WWOX: variants seen among roughly 807,000 people sequenced by gnomAD.
WWOX encodes the protein WW domain-containing oxidoreductase.
A neutral mutation model predicts 46.2 loss-of-function variants in WWOX; 69 were observed. The observed-to-expected ratio is 1.49, with a 90% CI of 1.23 to 1.82. WWOX has a LOEUF of 1.82. Ranked by LOEUF, WWOX falls within the 40% of genes most tolerant of loss-of-function variation. The probability of loss-of-function intolerance (pLI) is 0.00; values close to 1 mark genes in which losing one functional copy is unlikely to be tolerated. For missense variants in WWOX, 919 were observed against 542.6 expected (o/e 1.69, Z -6.89); for synonymous variants, 359 against 202.6 (o/e 1.77, Z -6.56).
intron 8 of WWOX, among the ~76,000 whole-genome samples, chr16:78,616,038 C>T (rs1295440474): frequency 2.0e-5 from 3 of 152,272 alleles, no homozygotes; most frequent in East Asian, 3.9e-4. Flanking sequence ...GCGTGAACTA[C>T]TGTGCCTGGC....
Position 78,671,894 on chromosome 16 carries a change from C to T in WWOX, c.1056+239142C>T, listed in dbSNP as rs1256629003. The stretch of plus-strand genomic sequence containing the variant: ...CTTAAAAAGTGGTGAGGTAGACACA[C>T]AGGCACTACTCACTTCATTCCTTCT... On this transcript the variant is annotated intron_variant, in intron 8 of 8. Coordinates refer to ENST00000566780, the MANE Select transcript of WWOX (RefSeq NM_016373.4). Among the ~76,000 whole-genome samples the T allele has an allele frequency of 2.6e-5, 4 of 152,144 alleles. No individual in the cohort carries two copies. In the East Asian group the frequency reaches 7.7e-4, roughly 29 times the overall value.
At chr16:78,557,537 G>A (rs1346131261) in intron 8 of WWOX, among the ~76,000 whole-genome samples, 1 of 151,992 alleles carries the variant, frequency 6.6e-6, no homozygotes, top group Non-Finnish European at 1.5e-5. Flanking sequence ...TCACTTACAC[G>A]TTTTTGTCGT....
At chr16:79,001,280 C>G (rs536270440) in intron 8 of WWOX, among the ~76,000 whole-genome samples, 241 of 152,234 alleles carry the variant, frequency 1.6e-3, no homozygotes, top group African/African-American at 5.3e-3. Context: ...CCCCGCCCCC[C>G]TAAATCCAGC....
chr16:78,117,132 T>A lies in WWOX; in HGVS notation c.409+1978T>A, dbSNP rs200631091. Among the ~76,000 whole-genome samples, 4 of 152,324 alleles carry A rather than the reference T, an allele frequency of 2.6e-5. No individual in the cohort carries two copies. The East Asian group carries it at 7.7e-4, about 29-fold the overall frequency. On this transcript the variant is annotated intron_variant, in intron 4 of 8. Coordinates refer to ENST00000566780, the MANE Select transcript of WWOX (RefSeq NM_016373.4). ...CACATGTTGGAGTAAAGCCAGAAAC[T>A]CTTTGTGCCTCTTCACAGCTCCCAC...
chr16:78,110,823 C>G lies in WWOX; in HGVS notation c.230+988C>G, dbSNP rs573200888. 2.0e-5 allele frequency among the ~76,000 whole-genome samples: 3 copies of G among 152,232 alleles called. No homozygotes were observed. In the East Asian group the frequency reaches 5.8e-4, roughly 29 times the overall value. On this transcript the variant is annotated intron_variant, in intron 3 of 8. Coordinates refer to ENST00000566780, the MANE Select transcript of WWOX (RefSeq NM_016373.4). ...GGGGGTAAGTGACTTGTTAAGGATCCCACAGCAAAGAAGTAGCACAGCCAG... is the reference window on the plus strand; with the variant it reads ...GGGGGTAAGTGACTTGTTAAGGATCGCACAGCAAAGAAGTAGCACAGCCAG...
intron 8 of WWOX, among the ~76,000 whole-genome samples, chr16:78,745,197 A>G (rs1227893594): frequency 6.6e-6 from 1 of 152,212 alleles, no homozygotes; most frequent in East Asian, 1.9e-4. Flanking sequence ...CTTTCCTGGA[A>G]GAACTCAGTA....
At chr16:78,597,797 A>G (rs2045526346) in intron 8 of WWOX, among the ~76,000 whole-genome samples, 1 of 150,762 alleles carries the variant, frequency 6.6e-6, no homozygotes, top group Non-Finnish European at 1.5e-5. Flanking sequence ...ATTTCCATGA[A>G]TATACTGAAT....
chr16:79,193,733 G>A (rs986881590), intron 8 of WWOX, among the ~76,000 whole-genome samples: 7 of 152,138 alleles, frequency 4.6e-5, no homozygotes, highest in Non-Finnish European at 8.8e-5. Flanking sequence ...TCCCCACTTG[G>A]GCAAAAACAA....
chr16:79,198,314 AGT>A (rs2051280644), intron 8 of WWOX, among the ~76,000 whole-genome samples: 1 of 152,164 alleles, frequency 6.6e-6, no homozygotes, highest in African/African-American at 2.4e-5. Context: ...CTCCAGCCTG[AGT>A]GAGAGACAGA....
At chr16:78,912,145 G>T (rs1306897162) in intron 8 of WWOX, among the ~76,000 whole-genome samples, 1 of 151,960 alleles carries the variant, frequency 6.6e-6, no homozygotes, top group Non-Finnish European at 1.5e-5. Context: ...AAGTGGAGAT[G>T]ATGCCATTAC....
At chr16:78,788,890 C>A (rs143139934) in intron 8 of WWOX, among the ~76,000 whole-genome samples, 2 of 152,194 alleles carry the variant, frequency 1.3e-5, no homozygotes, top group African/African-American at 2.4e-5. Flanking sequence ...AATTGGAGGA[C>A]TCCCAGCTGC....
chr16:78,706,702 G>T (rs529142717), intron 8 of WWOX, among the ~76,000 whole-genome samples: 1 of 152,160 alleles, frequency 6.6e-6, no homozygotes, highest in African/African-American at 2.4e-5. Context: ...GATCCTTGCA[G>T]TTTCCCTTTT....
chr16:79,211,272 T>G (rs2051734996), intron 8 of WWOX, among the ~76,000 whole-genome samples: 1 of 152,174 alleles, frequency 6.6e-6, no homozygotes, highest in South Asian at 2.1e-4. Flanking sequence ...AATTTGTTCT[T>G]GCACGTTCAG....
chr16:78,478,306 A>G (rs1182457100), intron 8 of WWOX, among the ~76,000 whole-genome samples: 1 of 152,182 alleles, frequency 6.6e-6, no homozygotes, highest in Non-Finnish European at 1.5e-5. Flanking sequence ...CAGTGTATCC[A>G]TCTTCTCAGA....
intron 8 of WWOX, among the ~76,000 whole-genome samples, chr16:78,917,407 C>A (rs971517542): frequency 1.3e-5 from 2 of 152,106 alleles, no homozygotes; most frequent in Admixed American, 6.5e-5. Flanking sequence ...CAGTGGGAGC[C>A]ACTGACCTGC....
chr16:78,749,993 C>A lies in WWOX; in HGVS notation c.1056+317241C>A, dbSNP rs60229676. ...TTGGCAGAGTGACTCTCAGCTCCCC[C>A]CAACAATCCCTTCTTGTCGTTCAGT... On this transcript the variant is annotated intron_variant, in intron 8 of 8. Coordinates refer to ENST00000566780, the MANE Select transcript of WWOX (RefSeq NM_016373.4). Among the ~76,000 whole-genome samples, 6 of 152,236 alleles carry A rather than the reference C, an allele frequency of 3.9e-5. No individual in the cohort carries two copies. The East Asian group carries it at 9.7e-4, about 25-fold the overall frequency.
At chr16:78,116,555 A>G (rs999410406) in intron 4 of WWOX, among the ~76,000 whole-genome samples, 3 of 152,170 alleles carry the variant, frequency 2.0e-5, no homozygotes, top group Non-Finnish European at 2.9e-5. Context: ...AATATGTTCA[A>G]TCCACTTGTC....
In WWOX at chr16:79,035,521, AAG is replaced by A. The variant is rs549644221; in HGVS notation, c.1057-176084_1057-176083del. Among the ~76,000 whole-genome samples, 3 of 152,170 alleles carry A rather than the reference AAG, an allele frequency of 2.0e-5. No homozygotes were observed. The East Asian group carries it at 5.8e-4, about 29-fold the overall frequency. On this transcript the variant is annotated intron_variant, in intron 8 of 8. Coordinates refer to ENST00000566780, the MANE Select transcript of WWOX (RefSeq NM_016373.4). ...TAGCAGTAGAGGTGTGTCTGGGGGA[AAG>A]AGTCAGCTTATTTTATTTATTTATT...
In WWOX at chr16:79,098,989, A is replaced by C. The variant is rs146870894; in HGVS notation, c.1057-112619A>C. ...CACAGTTCTCATGCCTGGAAAGTTC[A>C]AGATTAAGCATCTGGGGAGGGCCTC... On this transcript the variant is annotated intron_variant, in intron 8 of 8. Coordinates refer to ENST00000566780, the MANE Select transcript of WWOX (RefSeq NM_016373.4). Among the ~76,000 whole-genome samples, 39 of 152,320 alleles carry C rather than the reference A, an allele frequency of 2.6e-4. No homozygotes were observed. In the East Asian group the frequency reaches 6.9e-3, roughly 27 times the overall value.
Sources: allele counts gnomAD v4.1 joint callset (sites outside exome capture counted in the v4.1 genomes callset), GRCh38; gene constraint gnomAD v4.1.1; transcripts MANE v1.5; gene names NCBI Gene and HGNC (gene_info 2026-07-23, HGNC 2026-07-21).